The following CNTN1 variants were observed in gnomAD, a reference collection of about 807,000 sequenced individuals.
CNTN1 encodes contactin-1.
CNTN1 carries 38 observed loss-of-function variants against 126.4 expected under a neutral mutation model. The ratio of observed to expected loss-of-function variants is 0.30; its 90% CI spans 0.23 to 0.39. The LOEUF (loss-of-function observed/expected upper bound fraction) is 0.39. Among genes scored for constraint, CNTN1 ranks in the 10% least tolerant of loss-of-function variants. The probability of loss-of-function intolerance (pLI) is 1.00; values close to 1 mark genes in which losing one functional copy is unlikely to be tolerated. For synonymous variants in CNTN1, 413 were observed against 422.6 expected (o/e 0.98, Z 0.28); for missense variants, 1,009 against 1,248.4 (o/e 0.81, Z 2.89).
intron 20 of CNTN1, among the ~76,000 whole-genome samples, chr12:41,021,547 A>G (rs1425191312): frequency 6.6e-6 from 1 of 152,132 alleles, no homozygotes; most frequent in African/African-American, 2.4e-5. Context: ...AAAATGTTAC[A>G]ATTGGGCTTT....
At chr12:40,701,920 A>G (rs1159262463) in intron 1 of CNTN1, among the ~76,000 whole-genome samples, 1 of 152,184 alleles carries the variant, frequency 6.6e-6, no homozygotes, top group Non-Finnish European at 1.5e-5. Flanking sequence ...TATGAAATCA[A>G]CACTCATTTC....
intron 1 of CNTN1, among the ~76,000 whole-genome samples, chr12:40,787,911 T>G (rs1455915704): frequency 1.3e-5 from 2 of 152,152 alleles, no homozygotes; most frequent in African/African-American, 4.8e-5. Flanking sequence ...ATCTCTTATG[T>G]AGAGGATAGA....
intron 1 of CNTN1, among the ~76,000 whole-genome samples, chr12:40,889,009 G>T (rs1465366716): frequency 6.6e-6 from 1 of 152,260 alleles, no homozygotes; most frequent in Non-Finnish European, 1.5e-5. Context: ...GCGCTCCATG[G>T]AGCCAGTCAG....
rs1357929884 is a variant in CNTN1, at chr12:40,801,276, A to G, written c.-76-107081A>G. Among the ~76,000 whole-genome samples the G allele has an allele frequency of 2.0e-5, 3 of 151,976 alleles. No homozygotes were observed. In the East Asian group the frequency reaches 5.8e-4, roughly 29 times the overall value. On this transcript the variant is annotated intron_variant, in intron 1 of 23. Coordinates refer to ENST00000551295, the MANE Select transcript of CNTN1 (RefSeq NM_001843.4). ...CATACATTGATTCATTTATCCATGC[A>G]CTCAGTAAGTATCATTTGGTAACAT...
Position 41,020,420 on chromosome 12 carries a change from A to C in CNTN1, c.2503A>C (p.Lys835Gln), listed in dbSNP as rs749475849. ...TGTTCATTGGGAACATGTTTTAGAA[A>C]AAATAGTGGAAAGCTATCAGGTACG... ...ISVHWEHVLE[K>Q]IVESYQIRYW... The change falls in exon 20 of 24, where the codon AAA (lysine) becomes CAA (glutamine). Residue 835 changes from lysine to glutamine, a missense_variant. Lys to Gln is a moderately conservative substitution (Grantham distance 53, BLOSUM62 1). Transcript: ENST00000551295. 1 of 1,608,550 alleles carries C rather than the reference A, an allele frequency of 6.2e-7. No individual in the cohort carries two copies. Among genetic ancestry groups the C allele is most frequent in the Non-Finnish European group, 8.5e-7 (1 of 1,175,560 alleles).
At chr12:40,951,906 AC>A (rs1226437732) in intron 14 of CNTN1, among the ~76,000 whole-genome samples, 12 of 152,024 alleles carry the variant, frequency 7.9e-5, no homozygotes, top group African/African-American at 2.9e-4. Flanking sequence ...AGACAGAAAG[AC>A]AGAGATAGTG....
intron 1 of CNTN1, among the ~76,000 whole-genome samples, chr12:40,825,765 C>A (rs536202888): frequency 6.6e-6 from 1 of 151,492 alleles, no homozygotes; most frequent in South Asian, 2.1e-4. Flanking sequence ...CCACAGTGTC[C>A]CTTGTGCCAT....
At chr12:40,771,141 T>C (rs1939322220) in intron 1 of CNTN1, among the ~76,000 whole-genome samples, 1 of 152,074 alleles carries the variant, frequency 6.6e-6, no homozygotes, top group Non-Finnish European at 1.5e-5. Flanking sequence ...TTTTAGAATA[T>C]TCTAATAAGA....
At chr12:40,768,960 T>C (rs1445663365) in intron 1 of CNTN1, among the ~76,000 whole-genome samples, 3 of 152,214 alleles carry the variant, frequency 2.0e-5, no homozygotes, top group African/African-American at 7.2e-5. Flanking sequence ...TATAAACATA[T>C]ATGTTTACAT....
At chr12:40,943,809 G>GT in intron 13 of CNTN1, 85 bp downstream of exon 13, 1 of 1,523,084 alleles carries the variant, frequency 6.6e-7, no homozygotes, top group Non-Finnish European at 9.0e-7. Context: ...CAATGTATTT[G>GT]TAAGTTTCTT....
intron 23 of CNTN1, among the ~76,000 whole-genome samples, chr12:41,064,793 A>ATAGT (rs940242704): frequency 6.6e-6 from 1 of 152,108 alleles, no homozygotes; most frequent in Non-Finnish European, 1.5e-5. Context: ...AGATAGATAG[A>ATAGT]TAGATAGATG....
intron 15 of CNTN1, among the ~76,000 whole-genome samples, chr12:40,964,837 A>T (rs545754935): frequency 6.6e-6 from 1 of 152,136 alleles, no homozygotes; most frequent in African/African-American, 2.4e-5. Context: ...ATAATATTGC[A>T]GTATTTTAAA....
chr12:40,810,457 C>T (rs1291391452), intron 1 of CNTN1, among the ~76,000 whole-genome samples: 1 of 152,106 alleles, frequency 6.6e-6, no homozygotes, highest in Non-Finnish European at 1.5e-5. Context: ...TAACTATAGT[C>T]ACCATGTTTT....
chr12:41,052,963 CAAG>C (rs535869443), intron 23 of CNTN1, among the ~76,000 whole-genome samples: 22 of 151,496 alleles, frequency 1.5e-4, no homozygotes, highest in African/African-American at 5.3e-4. Context: ...AAAATGGACA[CAAG>C]AAGAAAAATG....
At chr12:41,058,812 T>G (rs183183035) in intron 23 of CNTN1, among the ~76,000 whole-genome samples, 90 of 152,262 alleles carry the variant, frequency 5.9e-4, no homozygotes, top group Non-Finnish European at 9.9e-4. Flanking sequence ...CTTAGAAATT[T>G]TTTAGACTAG....
chr12:40,897,659 G>A lies in CNTN1; in HGVS notation c.-76-10698G>A, dbSNP rs578211874. 3.1e-4 allele frequency among the ~76,000 whole-genome samples: 47 copies of A among 152,026 alleles called. 1 individual carries two copies. Among genetic ancestry groups the A allele is most frequent in the East Asian group, 9.7e-4 (5 of 5,172 alleles). ...ATTAATTAATATTTGATATAAATTC[G>A]AATAAAAAGGAACAAAGCTCTCTGT... On this transcript the variant is annotated intron_variant, in intron 1 of 23. Coordinates refer to ENST00000551295, the MANE Select transcript of CNTN1 (RefSeq NM_001843.4).
In CNTN1 at chr12:40,750,612, A is replaced by T. The variant is rs139116597; in HGVS notation, c.-77+58020A>T. On this transcript the variant is annotated intron_variant, in intron 1 of 23. Transcript: ENST00000551295. ...GAACCCAGGAGTTTAAGAACAGTCT[A>T]GGCAAGATAGTGAGACCCCCATCTC... 4.6e-3 allele frequency among the ~76,000 whole-genome samples: 696 copies of T among 152,130 alleles called. 5 individuals carry two copies. Among genetic ancestry groups the T allele is most frequent in the African/African-American group, 0.015 (627 of 41,526 alleles).
intron 1 of CNTN1, among the ~76,000 whole-genome samples, chr12:40,851,769 A>G (rs1378612569): frequency 1.3e-5 from 2 of 152,032 alleles, no homozygotes; most frequent in African/African-American, 4.8e-5. Flanking sequence ...AGGCTTAGCG[A>G]TATTTATGAG....
chr12:41,016,771 A>G lies in CNTN1; in HGVS notation c.2274A>G (p.Thr758=). ...ATGGAGAAGAATGGAAAAAAGTCAC[A>G]GTTACTAATCCTGATACTGGCCGAT... ...PFDGEEWKKV[T]VTNPDTGRYV... Residue 758 remains threonine (T), a synonymous_variant, in exon 19 of 24, where the codon ACA becomes ACG. Coordinates refer to ENST00000551295, the MANE Select transcript of CNTN1 (RefSeq NM_001843.4). 6.2e-7 allele frequency: 1 copy of G among 1,614,192 alleles called. No homozygotes were observed. The highest frequency in any genetic ancestry group is 1.3e-5 in the African/African-American group (1 of 75,058).
Sources: allele counts gnomAD v4.1 joint callset (sites outside exome capture counted in the v4.1 genomes callset), GRCh38; gene constraint gnomAD v4.1.1; transcripts MANE v1.5; gene names NCBI Gene and HGNC (gene_info 2026-07-23, HGNC 2026-07-21).